Variants in ANKS1B observed in about 807,000 individuals in gnomAD.
ANKS1B encodes the protein ankyrin repeat and sterile alpha motif domain-containing protein 1B.
ANKS1B carries 36 observed loss-of-function variants against 148.3 expected under a neutral mutation model. The ratio of observed to expected loss-of-function variants is 0.24; its 90% CI spans 0.19 to 0.32. The LOEUF (loss-of-function observed/expected upper bound fraction) is 0.32, where lower values mean the gene tolerates loss of function less well. Among genes scored for constraint, ANKS1B ranks in the 10% least tolerant of loss-of-function variants. The pLI is 1.00. For synonymous variants in ANKS1B, 542 were observed against 560.8 expected (o/e 0.97, Z 0.47); for missense variants, 1,157 against 1,542.6 (o/e 0.75, Z 4.19).
chr12:98,807,701 T>C (rs1266391967), intron 20 of ANKS1B, 143 bp downstream of exon 20: 2 of 548,256 alleles, frequency 3.6e-6, no homozygotes, highest in Non-Finnish European at 6.4e-6. Flanking sequence ...AAATGAAGTA[T>C]AATAGACAAA....
At chr12:98,942,232 C>A (rs1374385364) in intron 17 of ANKS1B, among the ~76,000 whole-genome samples, 1 of 150,720 alleles carries the variant, frequency 6.6e-6, no homozygotes, top group Non-Finnish European at 1.5e-5. Context: ...CAGAGTGAGA[C>A]CCTGTCTTGG....
At chr12:99,860,121 T>C (rs1446854292) in intron 1 of ANKS1B, among the ~76,000 whole-genome samples, 2 of 152,016 alleles carry the variant, frequency 1.3e-5, no homozygotes, top group Non-Finnish European at 2.9e-5. Flanking sequence ...AGGAGAGAGA[T>C]GAAAACATGG....
At chr12:99,604,760 A>T (rs1406415672) in intron 9 of ANKS1B, among the ~76,000 whole-genome samples, 1 of 150,088 alleles carries the variant, frequency 6.7e-6, no homozygotes, top group South Asian at 2.2e-4. Flanking sequence ...GGTTGCAGTG[A>T]GCTGAGATCA....
chr12:99,532,757 C>A (rs2097013948), intron 9 of ANKS1B, among the ~76,000 whole-genome samples: 1 of 152,168 alleles, frequency 6.6e-6, no homozygotes, highest in Non-Finnish European at 1.5e-5. Context: ...TCCATTTTCT[C>A]AGCACCATTT....
rs904440184 is a variant in ANKS1B, at chr12:99,077,115, G to A, written c.2625+7810C>T. 9.9e-5 allele frequency among the ~76,000 whole-genome samples: 15 copies of A among 152,120 alleles called. 1 individual carries two copies. Among genetic ancestry groups the A allele is most frequent in the East Asian group, 3.9e-4 (2 of 5,192 alleles). ...TTTCAGAACTGAGTGGAGCTTGTAA[G>A]AACCCTGGGAATACCACAGCCTGTC... On this transcript the variant is annotated intron_variant, in intron 16 of 26. Transcript: ENST00000683438.
At chr12:99,965,473 G>A (rs752644377) in intron 1 of ANKS1B, among the ~76,000 whole-genome samples, 12 of 152,104 alleles carry the variant, frequency 7.9e-5, no homozygotes, top group Non-Finnish European at 1.6e-4. Flanking sequence ...TATTAAAGGG[G>A]GAAAAAGGTA....
chr12:98,863,650 G>C (rs947394462), intron 17 of ANKS1B, among the ~76,000 whole-genome samples: 1 of 152,182 alleles, frequency 6.6e-6, no homozygotes, highest in Non-Finnish European at 1.5e-5. Flanking sequence ...CTTTATGTCA[G>C]ATCAGTTGAT....
chr12:99,742,923 AT>A (rs896105206), intron 8 of ANKS1B, among the ~76,000 whole-genome samples: 2 of 151,632 alleles, frequency 1.3e-5, no homozygotes, highest in Non-Finnish European at 2.9e-5. Context: ...GTTAGAAGCT[AT>A]TTTTTAGCAA....
chr12:99,451,481 A>C (rs1393769292), intron 10 of ANKS1B, among the ~76,000 whole-genome samples: 4 of 152,224 alleles, frequency 2.6e-5, no homozygotes, highest in Non-Finnish European at 5.9e-5. Flanking sequence ...CCTCTGACAG[A>C]CTAGTAAAAT....
At chr12:99,461,781 C>G (rs1167694121) in intron 10 of ANKS1B, among the ~76,000 whole-genome samples, 1 of 152,166 alleles carries the variant, frequency 6.6e-6, no homozygotes, top group Non-Finnish European at 1.5e-5. Flanking sequence ...CTTACGTAAT[C>G]TTTGCTTTAA....
intron 22 of ANKS1B, among the ~76,000 whole-genome samples, chr12:98,791,527 T>C (rs909040753): frequency 6.6e-6 from 1 of 151,484 alleles, no homozygotes; most frequent in African/African-American, 2.4e-5. Context: ...AAATAATTGA[T>C]GCTTCCATGA....
intron 8 of ANKS1B, among the ~76,000 whole-genome samples, chr12:99,661,693 C>A (rs1396580806): frequency 6.6e-6 from 1 of 152,152 alleles, no homozygotes; most frequent in Non-Finnish European, 1.5e-5. Flanking sequence ...AATATACAGT[C>A]CCCCCTCCTC....
At chr12:98,984,845 G>A (rs2099922301) in intron 17 of ANKS1B, among the ~76,000 whole-genome samples, 1 of 151,910 alleles carries the variant, frequency 6.6e-6, no homozygotes, top group Admixed American at 6.6e-5. Flanking sequence ...CCCCAACACT[G>A]CAAAAAATTA....
At chr12:99,601,429 A>C (rs2097799264) in intron 9 of ANKS1B, among the ~76,000 whole-genome samples, 3 of 152,120 alleles carry the variant, frequency 2.0e-5, no homozygotes, top group Admixed American at 2.0e-4. Context: ...TTGTAGCTTT[A>C]GATTAATTTT....
intron 8 of ANKS1B, among the ~76,000 whole-genome samples, chr12:99,767,948 A>C (rs1010060033): frequency 2.0e-5 from 3 of 152,156 alleles, no homozygotes; most frequent in Non-Finnish European, 2.9e-5. Flanking sequence ...CGATTCAAAA[A>C]TAAAAGTTCT....
chr12:99,246,726 C>T lies in ANKS1B; in HGVS notation c.1895G>A (p.Cys632Tyr), dbSNP rs753279517. 127 of 1,613,894 alleles carry T rather than the reference C, an allele frequency of 7.9e-5. No individual in the cohort carries two copies. In the South Asian group the frequency reaches 1.3e-3, roughly 16 times the overall value. The change falls in exon 13 of 27, where the codon TGT becomes TAT. Residue 632 changes from cysteine (C) to tyrosine (Y), a missense_variant. By Grantham distance (194) the Cys-to-Tyr change is radical. Transcript: ENST00000683438. ...ACTGACTTCATCTTGTCCTTTTTCACATTGTTCTCTTTTCCCATAGAGATG... is the reference window on the plus strand; with the variant it reads ...ACTGACTTCATCTTGTCCTTTTTCATATTGTTCTCTTTTCCCATAGAGATG... ...PFHLYGKREQCEKGQDEVSLA... is the reference protein window; with the variant it reads ...PFHLYGKREQYEKGQDEVSLA...
Position 98,976,488 on chromosome 12 carries a change from A to T in ANKS1B, c.2778+76669T>A, listed in dbSNP as rs1011073112. 2.0e-5 allele frequency: 3 copies of T among 152,350 alleles called. No homozygotes were observed. The East Asian group carries it at 5.8e-4, about 29-fold the overall frequency. The allele number at this position is 152,350 out of a possible 1,614,324, so 9.4% of individuals were successfully genotyped here. A position where few individuals can be genotyped will look rare whatever the true frequency, so the allele number is the denominator to read the frequency against. On this transcript the variant is annotated intron_variant, in intron 17 of 26. Coordinates refer to ENST00000683438, the MANE Select transcript of ANKS1B (RefSeq NM_001352186.2). ...TTGTCTACACAGAGGTTTCTGAGTCAAAGGAGGAGAACGTACAAAATAGAC... is the reference window on the plus strand; with the variant it reads ...TTGTCTACACAGAGGTTTCTGAGTCTAAGGAGGAGAACGTACAAAATAGAC...
Position 99,316,231 on chromosome 12 carries a change from T to C in ANKS1B, c.1757-69367A>G, listed in dbSNP as rs542231755. 5.0e-4 allele frequency among the ~76,000 whole-genome samples: 76 copies of C among 152,262 alleles called. No homozygotes were observed. The East Asian group carries it at 0.01, about 21-fold the overall frequency. ...AAATGGTATTTCTAGTTCTAGATCC[T>C]TGAGGAATTGCCACACTGTTTTCCA... On this transcript the variant is annotated intron_variant, in intron 12 of 26. Coordinates refer to ENST00000683438, the MANE Select transcript of ANKS1B (RefSeq NM_001352186.2).
intron 16 of ANKS1B, among the ~76,000 whole-genome samples, chr12:99,081,504 A>G (rs1479142444): frequency 6.6e-6 from 1 of 152,192 alleles, no homozygotes. Context: ...TAACCATCTG[A>G]AGATCGGGCT....
Sources: allele counts gnomAD v4.1 joint callset (sites outside exome capture counted in the v4.1 genomes callset), GRCh38; gene constraint gnomAD v4.1.1; transcripts MANE v1.5; gene names NCBI Gene and HGNC (gene_info 2026-07-23, HGNC 2026-07-21).